The following NAALADL2 variants were observed in gnomAD, a reference collection of about 807,000 sequenced individuals.
The protein encoded by NAALADL2 is inactive N-acetylated-alpha-linked acidic dipeptidase-like protein 2.
Under a neutral mutation model 87.2 loss-of-function variants are expected in NAALADL2, and 76 were observed. The observed-to-expected ratio is 0.87, with a 90% CI of 0.72 to 1.05. The LOEUF (loss-of-function observed/expected upper bound fraction) is 1.05, where lower values mean the gene tolerates loss of function less well. Among genes scored for constraint, NAALADL2 ranks in the 50% least tolerant of loss-of-function variants. The pLI, the probability that NAALADL2 is intolerant of heterozygous loss-of-function variation, is 0.00. For synonymous variants in NAALADL2, 354 were observed against 331.0 expected (o/e 1.07, Z -0.75); for missense variants, 1,089 against 945.8 (o/e 1.15, Z -1.99).
At chr3:175,214,976 T>A (rs541118646) in intron 2 of NAALADL2, among the ~76,000 whole-genome samples, 1 of 152,292 alleles carries the variant, frequency 6.6e-6, no homozygotes, top group Admixed American at 6.5e-5. Context: ...ATTCACTACA[T>A]GTTTATGGTA....
At chr3:175,507,973 C>T (rs561175565) in intron 9 of NAALADL2, among the ~76,000 whole-genome samples, 1 of 152,264 alleles carries the variant, frequency 6.6e-6, no homozygotes, top group Admixed American at 6.5e-5. Context: ...ATTGGCTTTA[C>T]AGGAAGCATG....
At position 175,362,874 on chromosome 3, in the gene NAALADL2, T is replaced by G. The variant is rs192879476; in HGVS notation, c.1090+38549T>G. 1.6e-4 allele frequency among the ~76,000 whole-genome samples: 23 copies of G among 148,120 alleles called. 2 individuals are homozygous for G. In the East Asian group the frequency reaches 4.6e-3, roughly 30 times the overall value. On this transcript the variant is annotated intron_variant, in intron 5 of 13. Coordinates refer to ENST00000454872, the MANE Select transcript of NAALADL2 (RefSeq NM_207015.3). ...TTTTTGACTTTTTGATCATGGCCAT[T>G]CTTGAAGGAGTAAGGTGGTATCACC... is the stretch of plus-strand genomic sequence containing the variant.
intron 2 of NAALADL2, among the ~76,000 whole-genome samples, chr3:174,709,150 C>A (rs1730386636): frequency 6.6e-6 from 1 of 151,992 alleles, no homozygotes; most frequent in South Asian, 2.1e-4. Flanking sequence ...TAACCTTGAA[C>A]ACAGTGTGAA....
rs541977661 is a variant in NAALADL2 at position 175,437,657 on chromosome 3, A to C, written c.1091-9572A>C. 7.2e-3 allele frequency among the ~76,000 whole-genome samples: 1,083 copies of C among 151,216 alleles called. 5 individuals are homozygous for C. The highest frequency in any genetic ancestry group is 0.011 in the Admixed American group (170 of 15,074). On this transcript the variant is annotated intron_variant, in intron 5 of 13. Coordinates refer to ENST00000454872, the MANE Select transcript of NAALADL2 (RefSeq NM_207015.3). ...CGCATTGCCAAGTCAATCCTAAGCC[A>C]AAAGAACAAAGCTGGAGGCATCACA... is the stretch of plus-strand genomic sequence containing the variant.
chr3:175,314,690 A>ATATATATATAGTTCTAAC (rs1553857561), intron 4 of NAALADL2, among the ~76,000 whole-genome samples: 6 of 51,470 alleles, frequency 1.2e-4, no homozygotes, highest in African/African-American at 4.8e-4. Context: ...ATATATATAT[A>ATATATATATAGTTCTAAC]TATATATATA....
chr3:174,639,234 A>T (rs1722940696), intron 2 of NAALADL2, among the ~76,000 whole-genome samples: 1 of 152,252 alleles, frequency 6.6e-6, no homozygotes, highest in Non-Finnish European at 1.5e-5. Context: ...CATGGTATAC[A>T]TTAATTCTAA....
intron 3 of NAALADL2, among the ~76,000 whole-genome samples, chr3:175,237,917 A>C (rs554008020): frequency 1.3e-5 from 2 of 152,266 alleles, no homozygotes; most frequent in African/African-American, 4.8e-5. Flanking sequence ...TAAGGATTTG[A>C]CTTTGTATTG....
At chr3:174,640,499 C>G (rs1274009678) in intron 2 of NAALADL2, among the ~76,000 whole-genome samples, 1 of 152,140 alleles carries the variant, frequency 6.6e-6, no homozygotes, top group East Asian at 1.9e-4. Context: ...TCCACCTCCA[C>G]CCAGAGGAGC....
chr3:175,790,005 ATTAT>A (rs972434120), intron 13 of NAALADL2, among the ~76,000 whole-genome samples: 3 of 152,278 alleles, frequency 2.0e-5, no homozygotes, highest in South Asian at 2.1e-4. Flanking sequence ...AAATGTAACA[ATTAT>A]TTAGTTATCT....
intron 3 of NAALADL2, among the ~76,000 whole-genome samples, chr3:174,748,455 C>A (rs1734498696): frequency 6.6e-6 from 1 of 151,722 alleles, no homozygotes; most frequent in African/African-American, 2.4e-5. Flanking sequence ...TATTTTTAGC[C>A]TTGACCCCTT....
intron 2 of NAALADL2, among the ~76,000 whole-genome samples, chr3:174,712,836 G>A (rs1730791508): frequency 6.6e-6 from 1 of 151,730 alleles, no homozygotes; most frequent in Non-Finnish European, 1.5e-5. Flanking sequence ...AAGTTTTAGG[G>A]TACATGTGCA....
At chr3:175,078,398 A>T (rs1348686813) in intron 1 of NAALADL2, among the ~76,000 whole-genome samples, 1 of 151,834 alleles carries the variant, frequency 6.6e-6, no homozygotes, top group Non-Finnish European at 1.5e-5. Flanking sequence ...TAATAAGAGT[A>T]TGTAATAATT....
intron 13 of NAALADL2, among the ~76,000 whole-genome samples, chr3:175,781,652 TAGCAAAAAAAAAAAAAAAGTTTAAA>T (rs1751101112): frequency 7.1e-6 from 1 of 141,304 alleles, no homozygotes; most frequent in South Asian, 2.1e-4. Context: ...TTTTCATTTT[TAGCAAAAAAAAAAAAAAAGTTTAAA>T]AGGTAAAAAA....
At chr3:174,629,522 A>T (rs1362255574) in intron 2 of NAALADL2, among the ~76,000 whole-genome samples, 1 of 152,260 alleles carries the variant, frequency 6.6e-6, no homozygotes, top group African/African-American at 2.4e-5. Flanking sequence ...GTGAAAGTGA[A>T]TTCCATAATC....
chr3:174,935,971 A>G (rs953465391), intron 1 of NAALADL2, among the ~76,000 whole-genome samples: 7 of 152,172 alleles, frequency 4.6e-5, no homozygotes, highest in Non-Finnish European at 1.0e-4. Context: ...TAATGATGTC[A>G]GGACACTGAT....
intron 1 of NAALADL2, among the ~76,000 whole-genome samples, chr3:174,985,172 C>T (rs1163901408): frequency 1.3e-5 from 2 of 152,100 alleles, no homozygotes; most frequent in African/African-American, 2.4e-5. Flanking sequence ...TATTCATACT[C>T]AAACTAAAAT....
At chr3:175,475,079 T>C (rs111404896) in intron 9 of NAALADL2, among the ~76,000 whole-genome samples, 204 of 151,078 alleles carry the variant, frequency 1.4e-3, no homozygotes, top group African/African-American at 4.6e-3. Flanking sequence ...GTATTATATA[T>C]TATATATTTA....
intron 2 of NAALADL2, among the ~76,000 whole-genome samples, chr3:175,098,706 A>C (rs982945656): frequency 1.3e-5 from 2 of 152,174 alleles, no homozygotes; most frequent in Non-Finnish European, 2.9e-5. Flanking sequence ...GAAAAAGGGA[A>C]AGTTGCAGAT....
At chr3:174,532,506 G>A (rs1721335594) in intron 1 of NAALADL2, among the ~76,000 whole-genome samples, 1 of 152,102 alleles carries the variant, frequency 6.6e-6, no homozygotes, top group Non-Finnish European at 1.5e-5. Context: ...CTGTCCTACT[G>A]GAGTCAAATT....
Sources: gnomAD v4.1 joint callset for allele counts (sites outside exome capture counted in the v4.1 genomes callset) on GRCh38, gnomAD v4.1.1 for gene constraint, MANE v1.5 for transcripts, NCBI Gene and HGNC (gene_info 2026-07-23, HGNC 2026-07-21) for gene names.